The following UBR3 variants were observed in gnomAD, a reference collection of about 807,000 sequenced individuals.
The protein encoded by UBR3 is ubiquitin protein ligase E3 component n-recognin 3, also known as E3 ubiquitin-protein ligase UBR3.
In UBR3, 85 loss-of-function variants were observed where a neutral mutation model predicts 243.2. That is an observed-to-expected ratio of 0.35 (90% confidence interval 0.29 to 0.42). The LOEUF is 0.42. UBR3 is among the 10% of genes least tolerant of loss of function. The pLI is 1.00. For synonymous variants in UBR3, 748 were observed against 799.8 expected (o/e 0.94, Z 1.09); for missense variants, 1,686 against 2,300.8 (o/e 0.73, Z 5.47).
At chr2:170,080,044 C>T (rs549986600) in intron 37 of UBR3, 21 bp downstream of exon 37, 2 of 1,591,050 alleles carry the variant, frequency 1.3e-6, no homozygotes, top group African/African-American at 2.7e-5. Context: ...GTAGATAATA[C>T]AAAATTTATG....
chr2:169,949,920 G>T lies in UBR3; in HGVS notation c.3400G>T (p.Ala1134Ser). 1 of 1,613,428 alleles carries T rather than the reference G, an allele frequency of 6.2e-7. No individual in the cohort carries two copies. Among genetic ancestry groups the T allele is most frequent in the Non-Finnish European group, 8.5e-7 (1 of 1,179,682 alleles). The change falls in exon 23 of 39, where the codon GCC becomes TCC. Residue 1134 changes from alanine to serine, a missense_variant. Ala to Ser is a moderately conservative substitution (Grantham distance 99). Around this residue, in one of 8 missense-constraint regions of UBR3, gnomAD observed 300 missense variants for 314.4 expected, o/e 0.95. Coordinates refer to ENST00000272793, the MANE Select transcript of UBR3 (RefSeq NM_172070.4). ...ATACAGTCATGGAGATGGTATAACT[G>T]CCGTGGAAAGAATTTTACTAAAAGC... ...PKYSHGDGIT[A>S]VERILLKAAS...
At position 170,077,543 on chromosome 2, in the gene UBR3, A is replaced by G. The variant is rs571826189; in HGVS notation, c.5200-2271A>G. The G allele has an allele frequency of 6.9e-5, 50 of 719,724 alleles. 1 individual carries two copies. In the African/African-American group the frequency reaches 8.3e-4, roughly 12 times the overall value. 44.6% of individuals were successfully genotyped at this position (719,724 alleles called of 1,614,324 possible). ...CTTGTAAAGCCATCTCCAACAAAGC[A>G]GACTTTAGTAACCATCCTCCTCTAT... On this transcript the variant is annotated intron_variant, in intron 36 of 38. Coordinates refer to ENST00000272793, the MANE Select transcript of UBR3 (RefSeq NM_172070.4).
At chr2:170,030,976 G>A (rs761909069) in intron 31 of UBR3, among the ~76,000 whole-genome samples, 5 of 151,558 alleles carry the variant, frequency 3.3e-5, no homozygotes, top group Non-Finnish European at 4.4e-5. Context: ...ATTATTTTTC[G>A]GGGAGATGGG....
chr2:170,031,684 C>G (rs1258942120), intron 31 of UBR3, among the ~76,000 whole-genome samples: 1 of 152,030 alleles, frequency 6.6e-6, no homozygotes, highest in Admixed American at 6.6e-5. Context: ...CCCTCCTTCC[C>G]TCTTCTAGTA....
chr2:170,058,157 TC>T (rs1296849093), intron 33 of UBR3, among the ~76,000 whole-genome samples: 2 of 152,184 alleles, frequency 1.3e-5, no homozygotes, highest in African/African-American at 4.8e-5. Flanking sequence ...TTTTTTCACT[TC>T]CTTCTTTACG....
chr2:170,041,121 T>C (rs1177387951), intron 32 of UBR3, 136 bp downstream of exon 32: 8 of 746,340 alleles, frequency 1.1e-5, no homozygotes, highest in Non-Finnish European at 1.5e-5. Flanking sequence ...GGTGGGTGGA[T>C]TGCTTGAGCA....
At chr2:169,982,641 G>A (rs552552423) in intron 24 of UBR3, among the ~76,000 whole-genome samples, 4 of 152,068 alleles carry the variant, frequency 2.6e-5, no homozygotes, top group African/African-American at 9.6e-5. Flanking sequence ...CCTTAGACTA[G>A]AAAATATTCC....
chr2:170,025,326 G>T (rs1192162555), intron 30 of UBR3, among the ~76,000 whole-genome samples: 1 of 152,116 alleles, frequency 6.6e-6, no homozygotes, highest in African/African-American at 2.4e-5. Flanking sequence ...AAAGTAAGGG[G>T]ATAATCTGAT....
chr2:169,856,215 C>T (rs1484025613), intron 1 of UBR3, among the ~76,000 whole-genome samples: 7 of 150,072 alleles, frequency 4.7e-5, no homozygotes, highest in East Asian at 2.0e-4. Flanking sequence ...CGGGCAGAGG[C>T]GCTCCTCACA....
At chr2:169,887,407 A>G (rs575170463) in intron 5 of UBR3, among the ~76,000 whole-genome samples, 8 of 152,318 alleles carry the variant, frequency 5.3e-5, no homozygotes, top group African/African-American at 1.9e-4. Context: ...TTAGCTCCAC[A>G]TCATGAATTT....
chr2:169,875,433 A>G (rs1310179321), intron 2 of UBR3, among the ~76,000 whole-genome samples: 1 of 152,148 alleles, frequency 6.6e-6, no homozygotes, highest in African/African-American at 2.4e-5. Context: ...GGCTTAAGCC[A>G]TCCTCCTGCC....
intron 1 of UBR3, among the ~76,000 whole-genome samples, chr2:169,853,211 C>G (rs780303255): frequency 6.6e-5 from 10 of 152,006 alleles, no homozygotes; most frequent in Non-Finnish European, 1.3e-4. Flanking sequence ...AGGATGGGAA[C>G]AGGTGAATAG....
At chr2:170,066,732 T>C (rs1319029475) in intron 35 of UBR3, among the ~76,000 whole-genome samples, 1 of 152,042 alleles carries the variant, frequency 6.6e-6, no homozygotes, top group Non-Finnish European at 1.5e-5. Flanking sequence ...TTTGGGAGGC[T>C]GAGGTGGGCG....
At chr2:169,915,960 A>T (rs1017314322) in intron 11 of UBR3, among the ~76,000 whole-genome samples, 1 of 151,982 alleles carries the variant, frequency 6.6e-6, no homozygotes, top group Non-Finnish European at 1.5e-5. Flanking sequence ...GAGAACTTCC[A>T]TGTTTTCTGG....
At chr2:170,062,628 T>C (rs780897770) in intron 35 of UBR3, among the ~76,000 whole-genome samples, 8 of 152,220 alleles carry the variant, frequency 5.3e-5, no homozygotes, top group Non-Finnish European at 8.8e-5. Context: ...TCCTCAAGCA[T>C]GGAGAAGAGT....
chr2:169,952,376 T>C (rs1367645143), intron 23 of UBR3, among the ~76,000 whole-genome samples: 2 of 152,150 alleles, frequency 1.3e-5, no homozygotes, highest in African/African-American at 4.8e-5. Context: ...TAGGAGGTCA[T>C]CCGTTGGTAC....
At chr2:170,007,911 C>G (rs996822999) in intron 28 of UBR3, among the ~76,000 whole-genome samples, 4 of 150,160 alleles carry the variant, frequency 2.7e-5, no homozygotes, top group Non-Finnish European at 5.9e-5. Flanking sequence ...TATATATACT[C>G]TGTGTGTGTG....
In UBR3 at chr2:169,926,960, G is replaced by A. The variant is rs762817049; in HGVS notation, c.2327G>A (p.Arg776His). The A allele has an allele frequency of 6.5e-6, 10 of 1,550,234 alleles. No individual in the cohort carries two copies. The highest frequency in any genetic ancestry group is 1.4e-5 in the African/African-American group (1 of 72,964). The change falls in exon 16 of 39, where the codon CGT (arginine) becomes CAT (histidine). Residue 776 changes from arginine to histidine, a missense_variant. By Grantham distance (29) the Arg-to-His change is conservative. Around this residue, in one of 8 missense-constraint regions of UBR3, gnomAD observed 346 missense variants for 585.8 expected, o/e 0.59. Coordinates refer to ENST00000272793, the MANE Select transcript of UBR3 (RefSeq NM_172070.4). Reference protein sequence around the residue: ...LTFLVILLSLRLHLGMSDDEI... With the variant: ...LTFLVILLSLHLHLGMSDDEI... ...TTTCTTGTGATTCTTTTGAGTCTTC[G>A]TTTACATTTAGGTAAAACTCACTGA...
intron 10 of UBR3, among the ~76,000 whole-genome samples, chr2:169,912,134 C>G (rs569172697): frequency 2.0e-4 from 30 of 152,258 alleles, no homozygotes; most frequent in African/African-American, 7.0e-4. Context: ...ACATAGGTAG[C>G]TGATGAGTTT....
Sources: allele counts gnomAD v4.1 joint callset (sites outside exome capture counted in the v4.1 genomes callset), GRCh38; gene constraint gnomAD v4.1.1; regional missense constraint gnomAD v4.1.1; transcripts MANE v1.5; gene names NCBI Gene and HGNC (gene_info 2026-07-23, HGNC 2026-07-21).